INPP5A: variants seen among roughly 807,000 people sequenced by gnomAD.
INPP5A encodes the protein inositol polyphosphate-5-phosphatase A, also known as 43 kDa inositol polyphosphate 5-phophatase.
INPP5A carries 14 observed loss-of-function variants against 65.2 expected under a neutral mutation model. The ratio of observed to expected loss-of-function variants is 0.21; its 90% confidence interval spans 0.14 to 0.34. The LOEUF (loss-of-function observed/expected upper bound fraction) is 0.34, where lower values mean the gene tolerates loss of function less well. Ranked by LOEUF, INPP5A falls within the 10% of genes least tolerant of loss-of-function variation. The pLI is 1.00. For missense variants in INPP5A, 431 were observed against 545.6 expected (o/e 0.79, Z 2.09); for synonymous variants, 207 against 208.3 (o/e 0.99, Z 0.05).
chr10:132,717,342 T>C (rs1428135106), intron 8 of INPP5A, among the ~76,000 whole-genome samples: 1 of 147,142 alleles, frequency 6.8e-6, no homozygotes, highest in African/African-American at 2.7e-5. Context: ...GGCCTTTGGG[T>C]GCGGCACTGG....
intron 4 of INPP5A, among the ~76,000 whole-genome samples, chr10:132,689,203 C>T (rs1845212908): frequency 6.6e-6 from 1 of 152,124 alleles, no homozygotes; most frequent in African/African-American, 2.4e-5. Flanking sequence ...GAGGACAGGC[C>T]CTGTTCAGAA....
chr10:132,650,624 G>T lies in INPP5A; in HGVS notation c.306+119G>T. The T allele has an allele frequency of 1.4e-6, 1 of 726,824 alleles. No individual in the cohort carries two copies. 45.0% of individuals were successfully genotyped at this position (726,824 alleles called of 1,614,324 possible). ...GCTCCCTGCCTGAAGCCTCACTCACGCTGCCCTGCCTGGCACTCCCGCAGC... is the reference window on the plus strand; with the variant it reads ...GCTCCCTGCCTGAAGCCTCACTCACTCTGCCCTGCCTGGCACTCCCGCAGC... On this transcript the variant is annotated intron_variant, in intron 4 of 15. Coordinates refer to ENST00000368594, the MANE Select transcript of INPP5A (RefSeq NM_005539.5). This position sits in a 1 kb window ranked among gnomAD's most constrained non-coding sequence, Gnocchi z 5.5.
chr10:132,656,447 G>A (rs144089959), intron 4 of INPP5A, among the ~76,000 whole-genome samples: 26 of 152,332 alleles, frequency 1.7e-4, no homozygotes, highest in African/African-American at 5.3e-4. Flanking sequence ...CCCTGCCCCC[G>A]CCAGCTGTGC....
rs184199401 is a variant in INPP5A at position 132,762,819 on chromosome 10, C to A, written c.904-2954C>A. Among the ~76,000 whole-genome samples the A allele has an allele frequency of 6.9e-4, 105 of 152,082 alleles. No individual in the cohort carries two copies. Among genetic ancestry groups the A allele is most frequent in the African/African-American group, 2.5e-3 (103 of 41,482 alleles). On this transcript the variant is annotated intron_variant, in intron 11 of 15. Transcript: ENST00000368594. This position sits in a 1 kb window ranked among gnomAD's most constrained non-coding sequence, Gnocchi z 4.6. ...AAGCCAGGGCAATGTGGCAAGACCCCGTCTCTACAAAAAATAAAGACTTAG... is the reference window on the plus strand; with the variant it reads ...AAGCCAGGGCAATGTGGCAAGACCCAGTCTCTACAAAAAATAAAGACTTAG...
Position 132,738,560 on chromosome 10 carries a change from G to A in INPP5A, c.733-10957G>A, listed in dbSNP as rs187902604. Among the ~76,000 whole-genome samples the A allele has an allele frequency of 3.7e-4, 57 of 152,350 alleles. No homozygotes were observed. In the East Asian group the frequency reaches 4.8e-3, roughly 13 times the overall value. On this transcript the variant is annotated intron_variant, in intron 9 of 15. Transcript: ENST00000368594. ...GGCCCAGCAGAGGGTGCCCGGCATGGTGCTAGACACAGCCTGAGAAAGAGA... is the reference window on the plus strand; with the variant it reads ...GGCCCAGCAGAGGGTGCCCGGCATGATGCTAGACACAGCCTGAGAAAGAGA...
intron 12 of INPP5A, among the ~76,000 whole-genome samples, chr10:132,776,598 T>C (rs769051896): frequency 5.9e-5 from 9 of 152,136 alleles, no homozygotes; most frequent in Non-Finnish European, 1.0e-4. Flanking sequence ...CCCAGAGATG[T>C]TGAGAGTAAG....
At chr10:132,673,585 T>C (rs920876032) in intron 4 of INPP5A, among the ~76,000 whole-genome samples, 5 of 152,298 alleles carry the variant, frequency 3.3e-5, no homozygotes, top group Non-Finnish European at 7.4e-5. Context: ...GACCAGTGAA[T>C]TCCATGAGCA....
intron 11 of INPP5A, among the ~76,000 whole-genome samples, chr10:132,756,328 C>T (rs541017558): frequency 6.6e-6 from 1 of 151,994 alleles, no homozygotes; most frequent in African/African-American, 2.4e-5. Flanking sequence ...TGCATGTGTG[C>T]ACTCGTGTGT....
chr10:132,625,834 G>A (rs1473056690), intron 2 of INPP5A, among the ~76,000 whole-genome samples: 1 of 139,720 alleles, frequency 7.2e-6, no homozygotes, highest in Admixed American at 7.5e-5. Flanking sequence ...AGGGCTGGCA[G>A]GACTTCTGTG....
intron 11 of INPP5A, 48 bp downstream of exon 11, chr10:132,749,893 C>T (rs111840736): frequency 5.9e-5 from 88 of 1,498,158 alleles, no homozygotes; most frequent in African/African-American, 2.1e-4. Context: ...GGGACATCCA[C>T]GCCCCCAGGC....
rs1434035732 is a variant in INPP5A at position 132,773,480 on chromosome 10, G to T, written c.978-4191G>T. Reference sequence around the variant, plus strand: ...ATATTTTTAAATTAGGGATTAGGAGGCCCCTTTCAAACTTTCCGTGGGCCA... The same window carrying T: ...ATATTTTTAAATTAGGGATTAGGAGTCCCCTTTCAAACTTTCCGTGGGCCA... On this transcript the variant is annotated intron_variant, in intron 12 of 15. Coordinates refer to ENST00000368594, the MANE Select transcript of INPP5A (RefSeq NM_005539.5). Among the ~76,000 whole-genome samples the T allele has an allele frequency of 4.6e-5, 7 of 152,224 alleles. No homozygotes were observed. The East Asian group carries it at 1.3e-3, about 29-fold the overall frequency.
Position 132,709,820 on chromosome 10 carries a change from G to C in INPP5A, c.528-517G>C, listed in dbSNP as rs191374296. Reference sequence around the variant, plus strand: ...GCTGAGGGTCCCCTGCAGTGTGACAGAGGCTCAGGCCTTGATCAGGCCTTG... The same window carrying C: ...GCTGAGGGTCCCCTGCAGTGTGACACAGGCTCAGGCCTTGATCAGGCCTTG... On this transcript the variant is annotated intron_variant, in intron 7 of 15. Coordinates refer to ENST00000368594, the MANE Select transcript of INPP5A (RefSeq NM_005539.5). Among the ~76,000 whole-genome samples, 37 of 152,354 alleles carry C rather than the reference G, an allele frequency of 2.4e-4. No individual in the cohort carries two copies. In the East Asian group the frequency reaches 5.8e-3, roughly 24 times the overall value.
chr10:132,548,632 C>T (rs2071009117), intron 1 of INPP5A, among the ~76,000 whole-genome samples: 2 of 152,184 alleles, frequency 1.3e-5, no homozygotes, highest in South Asian at 4.1e-4. Flanking sequence ...CGGCCCTGGG[C>T]CACAACTGCT....
chr10:132,663,944 C>T lies in INPP5A; in HGVS notation c.306+13439C>T, dbSNP rs1226604680. 2.0e-5 allele frequency among the ~76,000 whole-genome samples: 3 copies of T among 152,226 alleles called. No individual in the cohort carries two copies. The highest frequency in any genetic ancestry group is 4.8e-5 in the African/African-American group (2 of 41,470). Reference sequence around the variant, plus strand: ...GCCGATCCATCAGGCGGCCGACAGGCGTGATCGAGTGCCGTGTCACACGCA... The same window carrying T: ...GCCGATCCATCAGGCGGCCGACAGGTGTGATCGAGTGCCGTGTCACACGCA... On this transcript the variant is annotated intron_variant, in intron 4 of 15. Transcript: ENST00000368594. The surrounding 1 kb of genome is among the most constrained non-coding windows in gnomAD (Gnocchi z 4.5).
intron 2 of INPP5A, among the ~76,000 whole-genome samples, chr10:132,636,949 C>T (rs555493797): frequency 1.8e-4 from 27 of 152,224 alleles, no homozygotes; most frequent in African/African-American, 5.8e-4. Flanking sequence ...GATGGAGCCT[C>T]GCTCTGTCGC....
rs1221567790 is a variant in INPP5A at position 132,698,551 on chromosome 10, T to G, written c.474+632T>G. On this transcript the variant is annotated intron_variant, in intron 6 of 15. Transcript: ENST00000368594. This position sits in a 1 kb window ranked among gnomAD's most constrained non-coding sequence, Gnocchi z 5.5. ...CGGCTGTTGCTCTGTGCACGTGATC[T>G]TTGGGTAAACCTCACACGCGGCATT... Among the ~76,000 whole-genome samples the G allele has an allele frequency of 1.3e-5, 2 of 152,248 alleles. No homozygotes were observed. Among genetic ancestry groups the G allele is most frequent in the Non-Finnish European group, 2.9e-5 (2 of 68,052 alleles).
intron 8 of INPP5A, among the ~76,000 whole-genome samples, chr10:132,714,669 G>A (rs1010512860): frequency 1.3e-5 from 2 of 152,146 alleles, no homozygotes; most frequent in Non-Finnish European, 2.9e-5. Context: ...GGCACCGTAG[G>A]ACCTTCGCAC....
intron 1 of INPP5A, among the ~76,000 whole-genome samples, chr10:132,573,740 C>T (rs113529984): frequency 3.7e-5 from 3 of 81,068 alleles, no homozygotes; most frequent in East Asian, 8.8e-4. Context: ...GTGTGCGTGC[C>T]GTGTGAGGTT....
intron 1 of INPP5A, among the ~76,000 whole-genome samples, chr10:132,567,290 C>T (rs1197577914): frequency 6.6e-6 from 1 of 152,226 alleles, no homozygotes; most frequent in African/African-American, 2.4e-5. Flanking sequence ...AAATAACTCT[C>T]TTTTACTTGG....
Sources: gnomAD v4.1 joint callset for allele counts (sites outside exome capture counted in the v4.1 genomes callset) on GRCh38, gnomAD v4.1.1 for gene constraint, Gnocchi (gnomAD v3.1) non-coding constraint, MANE v1.5 for transcripts, NCBI Gene and HGNC (gene_info 2026-07-23, HGNC 2026-07-21) for gene names.